Variants in SPAG16 observed in about 807,000 individuals in gnomAD.
SPAG16 encodes the protein sperm-associated antigen 16 protein.
In SPAG16, 86 loss-of-function variants were observed where a neutral mutation model predicts 80.4. The ratio of observed to expected loss-of-function variants is 1.07; its 90% confidence interval spans 0.90 to 1.28. The LOEUF is 1.28. Ranked by LOEUF, SPAG16 falls within the 50% of genes most tolerant of loss-of-function variation. The probability of loss-of-function intolerance (pLI) is 0.00; values close to 1 mark genes in which losing one functional copy is unlikely to be tolerated. For synonymous variants in SPAG16, 294 were observed against 265.9 expected (o/e 1.11, Z -1.03); for missense variants, 870 against 765.3 (o/e 1.14, Z -1.61).
chr2:213,327,109 T>G (rs2063875554), intron 5 of SPAG16, among the ~76,000 whole-genome samples: 1 of 151,682 alleles, frequency 6.6e-6, no homozygotes, highest in Non-Finnish European at 1.5e-5. Flanking sequence ...AAATAGAATG[T>G]TCCACTGAGT....
At chr2:214,207,668 T>G (rs1047890238) in intron 15 of SPAG16, among the ~76,000 whole-genome samples, 1 of 152,226 alleles carries the variant, frequency 6.6e-6, no homozygotes, top group African/African-American at 2.4e-5. Context: ...AAGTATTGTT[T>G]CTGGGTGTGT....
intron 15 of SPAG16, among the ~76,000 whole-genome samples, chr2:214,194,006 T>G (rs1337245951): frequency 1.3e-5 from 2 of 152,070 alleles, no homozygotes; most frequent in African/African-American, 4.8e-5. Context: ...TCTTTAGAGA[T>G]GTTTAAAGAG....
chr2:214,104,662 A>C (rs753199584), intron 13 of SPAG16, among the ~76,000 whole-genome samples: 1 of 152,138 alleles, frequency 6.6e-6, no homozygotes, highest in Admixed American at 6.6e-5. Context: ...ATTTATATGT[A>C]TAAAGATTTC....
intron 15 of SPAG16, among the ~76,000 whole-genome samples, chr2:214,261,133 A>G (rs1691140299): frequency 3.0e-5 from 4 of 131,998 alleles, no homozygotes; most frequent in African/African-American, 9.4e-5. Flanking sequence ...AAAAAAAAAA[A>G]AAAAAAAAAA....
At chr2:213,387,548 G>A (rs1282824024) in intron 9 of SPAG16, among the ~76,000 whole-genome samples, 1 of 64,520 alleles carries the variant, frequency 1.5e-5, no homozygotes, top group Non-Finnish European at 2.6e-5. Flanking sequence ...TCCGCCTCCC[G>A]GGTTCACGCC....
intron 10 of SPAG16, among the ~76,000 whole-genome samples, chr2:213,709,332 C>T (rs1041083612): frequency 6.6e-5 from 10 of 152,086 alleles, no homozygotes; most frequent in African/African-American, 9.7e-5. Flanking sequence ...GTTTACATAA[C>T]GTCTGTCTAT....
At position 213,505,178 on chromosome 2, in the gene SPAG16, CT is replaced by C. The variant is rs368591982; in HGVS notation, c.1070+15089del. 4.0e-3 allele frequency among the ~76,000 whole-genome samples: 612 copies of C among 152,150 alleles called. 6 individuals carry two copies. The highest frequency in any genetic ancestry group is 0.014 in the African/African-American group (580 of 41,486). Reference sequence around the variant, plus strand: ...ACTGTGACCTTTAATTTCACCTGGACTGCACATATTATATATAATGGAGATT... The same window carrying C: ...ACTGTGACCTTTAATTTCACCTGGACGCACATATTATATATAATGGAGATT... On this transcript the variant is annotated intron_variant, in intron 10 of 15. Coordinates refer to ENST00000331683, the MANE Select transcript of SPAG16 (RefSeq NM_024532.5).
At chr2:214,359,446 T>C (rs1043429432) in intron 15 of SPAG16, among the ~76,000 whole-genome samples, 2 of 151,928 alleles carry the variant, frequency 1.3e-5, no homozygotes, top group African/African-American at 4.8e-5. Flanking sequence ...TTGGTGTTGC[T>C]AAAGAGTTAA....
chr2:213,403,696 G>C (rs1160448834), intron 9 of SPAG16, among the ~76,000 whole-genome samples: 1 of 152,170 alleles, frequency 6.6e-6, no homozygotes, highest in East Asian at 1.9e-4. Context: ...AGTGTTGGAA[G>C]TTCTGGCCAG....
intron 15 of SPAG16, among the ~76,000 whole-genome samples, chr2:214,233,391 AGATG>A (rs144162089): frequency 0.014 from 2,070 of 151,044 alleles, 41 homozygotes; most frequent in African/African-American, 0.047. Flanking sequence ...ATGGTAGAAT[AGATG>A]GATGGATGGA....
chr2:214,110,286 C>G (rs950675412), intron 14 of SPAG16, among the ~76,000 whole-genome samples: 1 of 152,034 alleles, frequency 6.6e-6, no homozygotes, highest in Non-Finnish European at 1.5e-5. Flanking sequence ...CTATCCCTCC[C>G]CCAGCCCCCA....
chr2:213,462,770 C>T (rs1348340497), intron 9 of SPAG16, among the ~76,000 whole-genome samples: 2 of 152,132 alleles, frequency 1.3e-5, no homozygotes, highest in Non-Finnish European at 2.9e-5. Flanking sequence ...GTCAATTAAA[C>T]CTCTTTCCTT....
intron 10 of SPAG16, among the ~76,000 whole-genome samples, chr2:213,785,398 T>C (rs551675985): frequency 7.2e-5 from 11 of 152,210 alleles, no homozygotes; most frequent in Admixed American, 2.0e-4. Flanking sequence ...AGATTATCAA[T>C]AGTATTTTAC....
intron 10 of SPAG16, among the ~76,000 whole-genome samples, chr2:213,628,294 G>T (rs946590225): frequency 6.6e-6 from 1 of 152,112 alleles, no homozygotes; most frequent in Admixed American, 6.5e-5. Flanking sequence ...ATAGTACCAA[G>T]ACCTAAATGA....
intron 13 of SPAG16, among the ~76,000 whole-genome samples, chr2:214,094,834 T>C (rs1280791861): frequency 6.6e-6 from 1 of 151,962 alleles, no homozygotes; most frequent in Non-Finnish European, 1.5e-5. Flanking sequence ...GGTCTACAGA[T>C]AGAGAGGAAT....
chr2:214,067,982 AT>A (rs943541053), intron 13 of SPAG16, among the ~76,000 whole-genome samples: 17 of 151,680 alleles, frequency 1.1e-4, no homozygotes, highest in Non-Finnish European at 1.5e-4. Flanking sequence ...CCTTCAAAAT[AT>A]TTTTTTTTGG....
At chr2:213,581,405 G>A (rs2060294186) in intron 10 of SPAG16, among the ~76,000 whole-genome samples, 1 of 151,976 alleles carries the variant, frequency 6.6e-6, no homozygotes, top group Admixed American at 6.6e-5. Flanking sequence ...TTTTTGTAGA[G>A]ACAGGGTCTT....
chr2:214,080,607 CAA>C (rs34792958), intron 13 of SPAG16, among the ~76,000 whole-genome samples: 4 of 77,532 alleles, frequency 5.2e-5, no homozygotes, highest in Non-Finnish European at 7.6e-5. Flanking sequence ...GACTCTGTCT[CAA>C]AAAAAAAAAA....
chr2:214,196,193 G>A (rs919921550), intron 15 of SPAG16, among the ~76,000 whole-genome samples: 1 of 151,932 alleles, frequency 6.6e-6, no homozygotes, highest in Non-Finnish European at 1.5e-5. Flanking sequence ...AAGAAACCAT[G>A]CCAGAGAGAC....
Sources: allele counts gnomAD v4.1 joint callset (sites outside exome capture counted in the v4.1 genomes callset), GRCh38; gene constraint gnomAD v4.1.1; transcripts MANE v1.5; gene names NCBI Gene and HGNC (gene_info 2026-07-23, HGNC 2026-07-21).